FAF1: variants seen among roughly 807,000 people sequenced by gnomAD.
FAF1 encodes FAS-associated factor 1.
FAF1 carries 25 observed loss-of-function variants against 92.5 expected under a neutral mutation model. The observed-to-expected ratio is 0.27, with a 90% confidence interval of 0.20 to 0.38. FAF1 has a LOEUF of 0.38. Among genes scored for constraint, FAF1 ranks in the 10% least tolerant of loss-of-function variants. FAF1 has a pLI of 1.00. For synonymous variants in FAF1, 234 were observed against 273.2 expected (o/e 0.86, Z 1.42); for missense variants, 636 against 793.3 (o/e 0.80, Z 2.38).
At chr1:50,804,543 CTA>C (rs1662115768) in intron 2 of FAF1, among the ~76,000 whole-genome samples, 1 of 152,026 alleles carries the variant, frequency 6.6e-6, no homozygotes, top group Non-Finnish European at 1.5e-5. Flanking sequence ...TGAAAATACA[CTA>C]AAATTATGAG....
At chr1:50,630,828 CTTTTTTTTTTTT>C (rs1052085908) in intron 8 of FAF1, among the ~76,000 whole-genome samples, 1 of 102,530 alleles carries the variant, frequency 9.8e-6, no homozygotes, top group African/African-American at 3.8e-5. Flanking sequence ...TGTATCATAT[CTTTTTTTTTTTT>C]TTTTTTTTTT....
intron 18 of FAF1, among the ~76,000 whole-genome samples, chr1:50,458,257 T>C (rs1049588834): frequency 6.6e-6 from 1 of 152,286 alleles, no homozygotes; most frequent in South Asian, 2.1e-4. Context: ...TATATCAATA[T>C]ACATAAACAG....
chr1:50,762,271 A>G (rs1269861415), intron 4 of FAF1, among the ~76,000 whole-genome samples: 1 of 152,232 alleles, frequency 6.6e-6, no homozygotes, highest in Non-Finnish European at 1.5e-5. Flanking sequence ...TGCCCAATAT[A>G]ATTTATAGAT....
intron 8 of FAF1, among the ~76,000 whole-genome samples, chr1:50,601,939 G>A (rs1652156148): frequency 6.6e-6 from 1 of 152,028 alleles, no homozygotes; most frequent in Non-Finnish European, 1.5e-5. Context: ...AGTATTGGAA[G>A]CTATAAAACC....
chr1:50,927,976 AG>A (rs1183098659), intron 1 of FAF1, among the ~76,000 whole-genome samples: 1 of 152,182 alleles, frequency 6.6e-6, no homozygotes, highest in African/African-American at 2.4e-5. Context: ...CTATACTGTT[AG>A]GATTTGTGTT....
chr1:50,535,803 C>T (rs1445276437), intron 14 of FAF1, among the ~76,000 whole-genome samples: 1 of 152,166 alleles, frequency 6.6e-6, no homozygotes, highest in Non-Finnish European at 1.5e-5. Context: ...GCAACAACTA[C>T]CAATTGTTTA....
At chr1:50,495,940 C>G (rs182573660) in intron 15 of FAF1, among the ~76,000 whole-genome samples, 10 of 151,920 alleles carry the variant, frequency 6.6e-5, no homozygotes, top group Admixed American at 6.6e-4. Flanking sequence ...CCTCTATCTC[C>G]GAGACAATAG....
chr1:50,702,919 T>C (rs1303018358), intron 7 of FAF1, among the ~76,000 whole-genome samples: 1 of 152,122 alleles, frequency 6.6e-6, no homozygotes, highest in East Asian at 1.9e-4. Flanking sequence ...AGTGCCTTTT[T>C]CAATCCTGTT....
intron 2 of FAF1, among the ~76,000 whole-genome samples, chr1:50,810,271 A>G (rs1019166659): frequency 6.6e-6 from 1 of 152,062 alleles, no homozygotes; most frequent in Admixed American, 6.6e-5. Context: ...TAAAAAAATT[A>G]AAAAAAATAC....
chr1:50,958,136 T>TTTAA (rs918203351), intron 1 of FAF1, among the ~76,000 whole-genome samples: 3 of 152,040 alleles, frequency 2.0e-5, no homozygotes, highest in South Asian at 2.1e-4. Flanking sequence ...CTCTAAAAAA[T>TTTAA]TTAATTAATT....
intron 1 of FAF1, among the ~76,000 whole-genome samples, chr1:50,917,612 AAAGGGAAAGGAAAAAGGAAAGGAAAGG>A (rs1557588476): frequency 1.1e-4 from 16 of 149,388 alleles, no homozygotes; most frequent in Admixed American, 3.4e-4. Context: ...AAGGAAAGGA[AAAGGGAAAGGAAAAAGGAAAGGAAAGG>A]AAAGGAAAGG....
chr1:50,529,293 A>T (rs1323565960), intron 15 of FAF1, among the ~76,000 whole-genome samples: 1 of 152,244 alleles, frequency 6.6e-6, no homozygotes, highest in Admixed American at 6.5e-5. Context: ...AAATGAATGT[A>T]AATCTGACAA....
At chr1:50,734,751 A>C (rs1659073177) in intron 6 of FAF1, among the ~76,000 whole-genome samples, 1 of 152,054 alleles carries the variant, frequency 6.6e-6, no homozygotes, top group Admixed American at 6.5e-5. Flanking sequence ...AAAAAAAAGA[A>C]AAAGAAAAAC....
intron 2 of FAF1, among the ~76,000 whole-genome samples, chr1:50,806,357 C>G (rs1662199933): frequency 6.6e-6 from 1 of 152,106 alleles, no homozygotes; most frequent in Non-Finnish European, 1.5e-5. Context: ...TCAGATAATA[C>G]AAGTATTAGC....
chr1:50,932,113 G>C (rs1645053324), intron 1 of FAF1, among the ~76,000 whole-genome samples: 1 of 151,948 alleles, frequency 6.6e-6, no homozygotes, highest in Admixed American at 6.6e-5. Flanking sequence ...AATTCAAGTT[G>C]AGATTTGGAT....
intron 7 of FAF1, among the ~76,000 whole-genome samples, chr1:50,702,976 T>A (rs1657534803): frequency 6.6e-6 from 1 of 151,938 alleles, no homozygotes; most frequent in South Asian, 2.1e-4. Flanking sequence ...TGCAAAGTTT[T>A]CTTTTAAAAA....
In FAF1 at chr1:50,788,033, C is replaced by T. The variant is rs1661425844; in HGVS notation, c.334G>A (p.Val112Ile). ...CAGGTGTCTTCAAGTACCACATCAA[C>T]ATTTCTGTCTCTGTATTCAACCCTG... ...DFRVEYRDRN[V>I]DVVLEDTCTV... Residue 112 changes from valine (V) to isoleucine (I), a missense_variant, in exon 4 of 19, where the codon GTT (valine) becomes ATT (isoleucine). By Grantham distance (29) the Val-to-Ile change is conservative. Coordinates refer to ENST00000396153, the MANE Select transcript of FAF1 (RefSeq NM_007051.3). 6.2e-7 allele frequency: 1 copy of T among 1,614,112 alleles called. No individual in the cohort carries two copies. The highest frequency in any genetic ancestry group is 1.3e-5 in the African/African-American group (1 of 75,028).
chr1:50,452,068 G>A (rs754675538), intron 18 of FAF1: 1 of 1,333,732 alleles, frequency 7.5e-7, no homozygotes. Context: ...GGAATGGGGA[G>A]GAAAAAACCG....
chr1:50,697,161 A>C (rs935744138), intron 7 of FAF1, among the ~76,000 whole-genome samples: 6 of 152,300 alleles, frequency 3.9e-5, no homozygotes, highest in Non-Finnish European at 7.3e-5. Flanking sequence ...TTCCGCAAAC[A>C]ATTTTAGAAT....
Sources: gnomAD v4.1 joint callset for allele counts (sites outside exome capture counted in the v4.1 genomes callset) on GRCh38, gnomAD v4.1.1 for gene constraint, MANE v1.5 for transcripts, NCBI Gene and HGNC (gene_info 2026-07-23, HGNC 2026-07-21) for gene names.